SLC25A21: variants seen among roughly 807,000 people sequenced by gnomAD.
SLC25A21 encodes solute carrier family 25 member 21, also known as mitochondrial 2-oxodicarboxylate carrier.
SLC25A21 carries 47 observed loss-of-function variants against 43.8 expected under a neutral mutation model. The ratio of observed to expected loss-of-function variants is 1.07; its 90% CI spans 0.85 to 1.37. The LOEUF is 1.37. Among genes scored for constraint, SLC25A21 ranks in the 40% most tolerant of loss-of-function variants. The pLI, the probability that SLC25A21 is intolerant of heterozygous loss-of-function variation, is 0.00. For synonymous variants in SLC25A21, 131 were observed against 121.3 expected (o/e 1.08, Z -0.52); for missense variants, 352 against 350.2 (o/e 1.00, Z -0.04).
chr14:36,846,254 C>A (rs1393791280), intron 2 of SLC25A21, among the ~76,000 whole-genome samples: 1 of 152,080 alleles, frequency 6.6e-6, no homozygotes. Flanking sequence ...TAACTCTATA[C>A]GAAGCATGAG....
intron 3 of SLC25A21, among the ~76,000 whole-genome samples, chr14:36,796,576 G>A (rs184687483): frequency 1.3e-5 from 2 of 152,074 alleles, no homozygotes; most frequent in Non-Finnish European, 2.9e-5. Flanking sequence ...TGACCTTGGG[G>A]AGCTCACTAC....
chr14:36,914,933 T>C (rs954531180), intron 1 of SLC25A21, among the ~76,000 whole-genome samples: 16 of 152,126 alleles, frequency 1.1e-4, no homozygotes, highest in African/African-American at 3.6e-4. Context: ...ACAAGGCATT[T>C]TAAATAAAAA....
intron 1 of SLC25A21, among the ~76,000 whole-genome samples, chr14:36,876,572 A>C (rs1291503417): frequency 6.9e-6 from 1 of 144,782 alleles, no homozygotes; most frequent in Non-Finnish European, 1.5e-5. Flanking sequence ...TCAAGGTAGC[A>C]TGAGCAGAAA....
intron 2 of SLC25A21, among the ~76,000 whole-genome samples, chr14:36,860,600 C>A (rs1018372616): frequency 3.9e-5 from 6 of 152,200 alleles, no homozygotes; most frequent in Non-Finnish European, 5.9e-5. Context: ...TGTCTGCTCA[C>A]CTGACCTTTC....
At chr14:36,781,844 T>C (rs1224412919) in intron 3 of SLC25A21, among the ~76,000 whole-genome samples, 1 of 152,318 alleles carries the variant, frequency 6.6e-6, no homozygotes, top group East Asian at 1.9e-4. Context: ...GTCTTATACT[T>C]TCATATGTTT....
intron 2 of SLC25A21, among the ~76,000 whole-genome samples, chr14:36,830,772 A>G (rs975567060): frequency 6.6e-6 from 1 of 152,106 alleles, no homozygotes; most frequent in Non-Finnish European, 1.5e-5. Flanking sequence ...TCAATATCCC[A>G]TATTACCAAT....
intron 1 of SLC25A21, among the ~76,000 whole-genome samples, chr14:36,989,831 T>C (rs1027396425): frequency 2.0e-5 from 3 of 152,128 alleles, no homozygotes; most frequent in African/African-American, 7.2e-5. Context: ...GCCAACTGGT[T>C]GTAATTGACT....
chr14:36,972,125 A>G (rs2138687565), intron 1 of SLC25A21, among the ~76,000 whole-genome samples: 1 of 152,306 alleles, frequency 6.6e-6, no homozygotes, highest in South Asian at 2.1e-4. Flanking sequence ...ACACATACAT[A>G]CCATTGTGTT....
rs532290607 is a variant in SLC25A21 at position 37,032,405 on chromosome 14, G to A, written c.70+139876C>T. ...AATAAAACTAGCCGGGCGTGGTGGC[G>A]TGTGCCTGTAGTCCCAGCTACTCGG... is the stretch of plus-strand genomic sequence containing the variant. On this transcript the variant is annotated intron_variant, in intron 1 of 9. Transcript: ENST00000331299. 1.1e-4 allele frequency among the ~76,000 whole-genome samples: 16 copies of A among 152,104 alleles called. No individual in the cohort carries two copies. The South Asian group carries it at 2.5e-3, about 24-fold the overall frequency.
At chr14:36,969,129 C>T (rs1959688549) in intron 1 of SLC25A21, among the ~76,000 whole-genome samples, 1 of 152,166 alleles carries the variant, frequency 6.6e-6, no homozygotes, top group Non-Finnish European at 1.5e-5. Context: ...GCATAATTTT[C>T]ATAACAATCC....
At chr14:36,893,480 C>T (rs1891144065) in intron 1 of SLC25A21, among the ~76,000 whole-genome samples, 1 of 152,048 alleles carries the variant, frequency 6.6e-6, no homozygotes. Context: ...AAATTTTCTC[C>T]CATTCTGTAG....
chr14:36,919,088 GATGA>G (rs112178475), intron 1 of SLC25A21, among the ~76,000 whole-genome samples: 1,665 of 151,766 alleles, frequency 0.011, 23 homozygotes, highest in African/African-American at 0.035. Context: ...TAAATGAATG[GATGA>G]ATGAATGAAT....
chr14:36,781,592 C>T (rs1349174271), intron 3 of SLC25A21, among the ~76,000 whole-genome samples: 1 of 152,102 alleles, frequency 6.6e-6, no homozygotes, highest in South Asian at 2.1e-4. Flanking sequence ...TAATTTCTAT[C>T]ACATACAAAA....
chr14:36,983,251 C>T (rs1960070859), intron 1 of SLC25A21, among the ~76,000 whole-genome samples: 1 of 152,298 alleles, frequency 6.6e-6, no homozygotes, highest in South Asian at 2.1e-4. Context: ...ACTCTCAGAG[C>T]ACTGCTTCTT....
At chr14:37,114,470 C>T (rs1270059575) in intron 1 of SLC25A21, among the ~76,000 whole-genome samples, 3 of 152,216 alleles carry the variant, frequency 2.0e-5, no homozygotes, top group African/African-American at 7.2e-5. Context: ...AAAAATCCCA[C>T]TTTACTAGAC....
chr14:36,810,392 A>G (rs1433296008), intron 3 of SLC25A21, among the ~76,000 whole-genome samples: 1 of 152,168 alleles, frequency 6.6e-6, no homozygotes, highest in African/African-American at 2.4e-5. Flanking sequence ...CAGCTTACAG[A>G]TCTCAGTAAT....
intron 3 of SLC25A21, among the ~76,000 whole-genome samples, chr14:36,753,953 GAGAGAGAA>G (rs1395090472): frequency 2.7e-5 from 4 of 149,638 alleles, no homozygotes; most frequent in Non-Finnish European, 4.4e-5. Flanking sequence ...GAGAGAGAGA[GAGAGAGAA>G]AGAGAGAGAA....
At chr14:37,167,856 G>A (rs1377481899) in intron 1 of SLC25A21, among the ~76,000 whole-genome samples, 2 of 151,552 alleles carry the variant, frequency 1.3e-5, no homozygotes, top group Admixed American at 6.6e-5. Context: ...TTTCATCTCC[G>A]ACCTGACCAA....
At chr14:37,057,346 T>A (rs1006349981) in intron 1 of SLC25A21, among the ~76,000 whole-genome samples, 2 of 152,172 alleles carry the variant, frequency 1.3e-5, no homozygotes, top group Non-Finnish European at 2.9e-5. Flanking sequence ...TATAGTATAT[T>A]TTTCCTCTGG....
Sources: allele counts gnomAD v4.1 joint callset (sites outside exome capture counted in the v4.1 genomes callset), GRCh38; gene constraint gnomAD v4.1.1; transcripts MANE v1.5; gene names NCBI Gene and HGNC (gene_info 2026-07-23, HGNC 2026-07-21).